The following GNAZ variants were observed in gnomAD, a reference collection of about 807,000 sequenced individuals.
GNAZ encodes G protein subunit alpha z.
In GNAZ, 3 loss-of-function variants were observed where a neutral mutation model predicts 25.4. The observed-to-expected ratio is 0.12, with a 90% CI of 0.05 to 0.30. The LOEUF (loss-of-function observed/expected upper bound fraction) is 0.30, where lower values mean the gene tolerates loss of function less well. Among genes scored for constraint, GNAZ ranks in the 10% least tolerant of loss-of-function variants. The probability of loss-of-function intolerance (pLI) is 1.00; values close to 1 mark genes in which losing one functional copy is unlikely to be tolerated. For synonymous variants in GNAZ, 211 were observed against 205.7 expected (o/e 1.03, Z -0.22); for missense variants, 241 against 501.8 (o/e 0.48, Z 4.97).
intron 2 of GNAZ, among the ~76,000 whole-genome samples, chr22:23,113,504 T>C (rs1024814349): frequency 6.6e-6 from 1 of 152,236 alleles, no homozygotes; most frequent in Non-Finnish European, 1.5e-5. Flanking sequence ...ACTCAGGAAT[T>C]CCTGATGAGG....
At position 23,124,123 on chromosome 22, in the gene GNAZ, G is replaced by A; in HGVS notation, c.*692G>A. The stretch of plus-strand genomic sequence containing the variant: ...CGATTTATTTCAAACTAGGCCAGCT[G>A]GGATTCCAGCTTTTCTTCTACTAGT... On this transcript the variant is annotated 3_prime_UTR_variant, in exon 3 of 3. Transcript: ENST00000615612. The A allele has an allele frequency of 4.7e-6, 1 of 210,828 alleles. No individual in the cohort carries two copies. The highest frequency in any genetic ancestry group is 5.3e-5 in the South Asian group (1 of 18,914). 13.1% of individuals were successfully genotyped at this position (210,828 alleles called of 1,614,324 possible). A position where few individuals can be genotyped will look rare whatever the true frequency, so the allele number is the denominator to read the frequency against.
chr22:23,119,229 G>T lies in GNAZ; in HGVS notation c.724-3858G>T, dbSNP rs565192317. On this transcript the variant is annotated intron_variant, in intron 2 of 2. Coordinates refer to ENST00000615612, the MANE Select transcript of GNAZ (RefSeq NM_002073.4). ...TGACACAGGCTCCCGAGGTCACCAG[G>T]CAAGCACCAGGGCCCAGGCTGGGCA... 4.4e-4 allele frequency among the ~76,000 whole-genome samples: 67 copies of T among 152,342 alleles called. 2 individuals carry two copies. Among genetic ancestry groups the T allele is most frequent in the Middle Eastern group, 3.4e-3 (1 of 294 alleles).
intron 1 of GNAZ, among the ~76,000 whole-genome samples, chr22:23,089,573 T>C (rs989729044): frequency 2.0e-5 from 3 of 152,270 alleles, no homozygotes; most frequent in Admixed American, 6.5e-5. Flanking sequence ...TCCATGACCA[T>C]GTACCCATCC....
At chr22:23,120,832 G>A (rs977542805) in intron 2 of GNAZ, among the ~76,000 whole-genome samples, 6 of 152,198 alleles carry the variant, frequency 3.9e-5, no homozygotes, top group Non-Finnish European at 8.8e-5. Context: ...GAGAGCTGAT[G>A]TGGACTCAGG....
At chr22:23,100,298 A>G (rs912120519) in intron 2 of GNAZ, among the ~76,000 whole-genome samples, 1 of 152,222 alleles carries the variant, frequency 6.6e-6, no homozygotes, top group Non-Finnish European at 1.5e-5. Flanking sequence ...AGCAGTTCCC[A>G]GCAGTGTCCC....
chr22:23,104,970 G>A (rs1433940007), intron 2 of GNAZ, among the ~76,000 whole-genome samples: 2 of 152,232 alleles, frequency 1.3e-5, no homozygotes, highest in East Asian at 1.9e-4. Context: ...TGTGGCTCCC[G>A]TCTGGATAGT....
chr22:23,085,641 G>T (rs2068796792), intron 1 of GNAZ, among the ~76,000 whole-genome samples: 1 of 152,180 alleles, frequency 6.6e-6, no homozygotes, highest in Non-Finnish European at 1.5e-5. Context: ...TTATACCACA[G>T]CCCAACAGCC....
intron 1 of GNAZ, among the ~76,000 whole-genome samples, chr22:23,090,064 A>G (rs2068924874): frequency 6.6e-6 from 1 of 152,018 alleles, no homozygotes; most frequent in Non-Finnish European, 1.5e-5. Flanking sequence ...AACACTACAC[A>G]TCTGCTGGGG....
At chr22:23,075,949 G>T (rs895576556) in intron 1 of GNAZ, among the ~76,000 whole-genome samples, 4 of 152,208 alleles carry the variant, frequency 2.6e-5, no homozygotes, top group African/African-American at 9.7e-5. Context: ...GGAGGCCAAG[G>T]TCCTCTGAGG....
Position 23,123,093 on chromosome 22 carries a change from A to G in GNAZ, c.730A>G (p.Met244Val). Residue 244 changes from methionine (M) to valine (V), a missense_variant, in exon 3 of 3, where the codon ATG (methionine) becomes GTG (valine). By Grantham distance (21) the Met-to-Val change is conservative. Coordinates refer to ENST00000615612, the MANE Select transcript of GNAZ (RefSeq NM_002073.4). The part of the protein sequence containing the change: ...KLYEDNQTSR[M>V]AESLRLFDSI... ...AGTACTTTCCTTTCCCCAGAGTCGG[A>G]TGGCAGAGAGCTTGCGCCTCTTTGA... The G allele has an allele frequency of 6.2e-7, 1 of 1,610,354 alleles. No individual in the cohort carries two copies. Among genetic ancestry groups the G allele is most frequent in the Non-Finnish European group, 8.5e-7 (1 of 1,176,640 alleles).
intron 2 of GNAZ, among the ~76,000 whole-genome samples, chr22:23,120,352 G>A (rs2069979352): frequency 1.3e-5 from 2 of 152,056 alleles, no homozygotes; most frequent in Admixed American, 1.3e-4. Context: ...GGCTGCCTTG[G>A]CCTTGGAGAG....
chr22:23,084,918 G>T (rs11705217), intron 1 of GNAZ, among the ~76,000 whole-genome samples: 1 of 152,198 alleles, frequency 6.6e-6, no homozygotes. Flanking sequence ...AGGTGACATC[G>T]CACGTCCAGG....
intron 1 of GNAZ, among the ~76,000 whole-genome samples, chr22:23,092,177 C>T (rs1358666261): frequency 6.6e-6 from 1 of 152,172 alleles, no homozygotes; most frequent in African/African-American, 2.4e-5. Context: ...CATCCTGGGA[C>T]TTGGGGAGTC....
chr22:23,098,130 T>A (rs1473670338), intron 2 of GNAZ, among the ~76,000 whole-genome samples: 2 of 152,264 alleles, frequency 1.3e-5, no homozygotes, highest in African/African-American at 4.8e-5. Context: ...CTCTTGGCTC[T>A]TACTGGCCTG....
chr22:23,119,040 G>A (rs2069933277), intron 2 of GNAZ, among the ~76,000 whole-genome samples: 2 of 152,230 alleles, frequency 1.3e-5, no homozygotes, highest in Non-Finnish European at 2.9e-5. Flanking sequence ...GCCAGCAGAA[G>A]GCATGCTGGG....
At chr22:23,102,000 G>A (rs1465593666) in intron 2 of GNAZ, among the ~76,000 whole-genome samples, 2 of 152,218 alleles carry the variant, frequency 1.3e-5, no homozygotes, top group African/African-American at 4.8e-5. Flanking sequence ...CCGAGCACTG[G>A]AGCGATGGGG....
At chr22:23,114,851 G>A (rs1357744460) in intron 2 of GNAZ, among the ~76,000 whole-genome samples, 1 of 152,172 alleles carries the variant, frequency 6.6e-6, no homozygotes, top group Non-Finnish European at 1.5e-5. Context: ...AAGGCTGTCT[G>A]CTTGCCTCCA....
chr22:23,104,715 G>T (rs999365804), intron 2 of GNAZ, among the ~76,000 whole-genome samples: 2 of 151,512 alleles, frequency 1.3e-5, no homozygotes, highest in South Asian at 4.2e-4. Flanking sequence ...GTGTAGATGG[G>T]GGGATCTGCC....
At chr22:23,108,551 G>A (rs533289068) in intron 2 of GNAZ, among the ~76,000 whole-genome samples, 3 of 152,366 alleles carry the variant, frequency 2.0e-5, no homozygotes, top group East Asian at 1.9e-4. Flanking sequence ...TGCACAGGGG[G>A]CAACCCCAGA....
Sources: gnomAD v4.1 joint callset for allele counts (sites outside exome capture counted in the v4.1 genomes callset) on GRCh38, gnomAD v4.1.1 for gene constraint, MANE v1.5 for transcripts, NCBI Gene and HGNC (gene_info 2026-07-23, HGNC 2026-07-21) for gene names.